Variants in NAPB observed in about 807,000 individuals in gnomAD.
NAPB encodes the protein beta-soluble NSF attachment protein.
NAPB carries 26 observed loss-of-function variants against 44.7 expected under a neutral mutation model. That is an observed-to-expected ratio of 0.58 (90% CI 0.43 to 0.81). The LOEUF is 0.81. Ranked by LOEUF, NAPB falls within the 30% of genes least tolerant of loss-of-function variation. The pLI, the probability that NAPB is intolerant of heterozygous loss-of-function variation, is 0.00. For synonymous variants in NAPB, 120 were observed against 116.8 expected, an observed-to-expected ratio of 1.03 and a Z score of -0.18; for missense variants, 315 against 356.4, an observed-to-expected ratio of 0.88 and a Z score of 0.94.
At chr20:23,382,338 G>C (rs1983079811) in intron 7 of NAPB, among the ~76,000 whole-genome samples, 1 of 150,956 alleles carries the variant, frequency 6.6e-6, no homozygotes, top group South Asian at 2.1e-4. Flanking sequence ...CAACTGAAAA[G>C]AGAACGTTTA....
chr20:23,421,404 T>C lies in NAPB; in HGVS notation c.-2A>G. The C allele has an allele frequency of 1.3e-6, 2 of 1,543,022 alleles. No homozygotes were observed. Among genetic ancestry groups the C allele is most frequent in the South Asian group, 2.4e-5 (2 of 83,626 alleles). On this transcript the variant is annotated 5_prime_UTR_variant, in exon 1 of 11. Coordinates refer to ENST00000377026, the MANE Select transcript of NAPB (RefSeq NM_022080.3). ...ACGCTCCTTCCCCGCGTTGTCCATG[T>C]CGCCCGCCGCGGCCGCCACAGCCCC...
At chr20:23,382,864 A>T (rs543750508) in intron 7 of NAPB, among the ~76,000 whole-genome samples, 1 of 152,276 alleles carries the variant, frequency 6.6e-6, no homozygotes, top group East Asian at 1.9e-4. Context: ...GGAGAAAGAG[A>T]AAAGGGCTGG....
intron 1 of NAPB, among the ~76,000 whole-genome samples, chr20:23,419,022 T>C (rs1298641439): frequency 6.6e-6 from 1 of 152,240 alleles, no homozygotes; most frequent in African/African-American, 2.4e-5. Context: ...ACTGCTTCTT[T>C]GATAAATAAC....
chr20:23,403,360 T>C (rs1984992752), intron 1 of NAPB, among the ~76,000 whole-genome samples: 1 of 152,168 alleles, frequency 6.6e-6, no homozygotes, highest in South Asian at 2.1e-4. Context: ...CCCAGAACTT[T>C]GGGAGGCCAA....
In NAPB at chr20:23,374,908, A is replaced by G. The variant is rs1355550449; in HGVS notation, c.*2468T>C. On this transcript the variant is annotated 3_prime_UTR_variant, in exon 11 of 11. Coordinates refer to ENST00000377026, the MANE Select transcript of NAPB (RefSeq NM_022080.3). The stretch of plus-strand genomic sequence containing the variant: ...CAAAACTTTCCTCTAAGAAATATTA[A>G]CTGACTTTGACTATGAACTAACTCC... The G allele has an allele frequency of 6.6e-6, 1 of 152,312 alleles. No homozygotes were observed. The highest frequency in any genetic ancestry group is 6.5e-5 in the Admixed American group (1 of 15,280). 9.4% of individuals were successfully genotyped at this position (152,312 alleles called of 1,614,324 possible).
chr20:23,379,480 G>C lies in NAPB; in HGVS notation c.751C>G (p.His251Asp). 1 of 1,608,462 alleles carries C rather than the reference G, an allele frequency of 6.2e-7. No homozygotes were observed. Among genetic ancestry groups the C allele is most frequent in the Non-Finnish European group, 8.5e-7 (1 of 1,178,332 alleles). Residue 251 changes from histidine (H) to aspartate (D), a missense_variant, in exon 10 of 11, where the codon CAT becomes GAT. This residue lies in a region of NAPB where 120 missense variants were observed against 130.5 expected (regional missense o/e 0.92). Coordinates refer to ENST00000377026, the MANE Select transcript of NAPB (RefSeq NM_022080.3). ...CKLLKKLLEA[H>D]EEQNSEAYTE... ...TAAGCTTCACTGTTCTGTTCTTCAT[G>C]AGCTTCTAGGAGTTTCTGGTAGCAT...
At chr20:23,386,831 C>T (rs1183913952) in intron 7 of NAPB, among the ~76,000 whole-genome samples, 1 of 152,156 alleles carries the variant, frequency 6.6e-6, no homozygotes, top group Non-Finnish European at 1.5e-5. Context: ...CTGTAATAAA[C>T]CATAATTGTG....
intron 2 of NAPB, among the ~76,000 whole-genome samples, chr20:23,401,176 T>A (rs906113132): frequency 2.6e-5 from 4 of 152,108 alleles, no homozygotes; most frequent in African/African-American, 9.7e-5. Context: ...GGGAGCTGGG[T>A]GCACAAGGAA....
intron 3 of NAPB, chr20:23,396,706 G>C (rs1984393058): frequency 6.5e-6 from 1 of 153,272 alleles, no homozygotes; most frequent in Non-Finnish European, 1.5e-5. Context: ...AGGAGTAAGG[G>C]AACATAAGAG....
rs776720962 is a variant in NAPB, at chr20:23,379,950, C to A, written c.667-15G>T. 6.2e-6 allele frequency: 10 copies of A among 1,608,744 alleles called. No individual in the cohort carries two copies. In the Admixed American group the frequency reaches 1.0e-4, roughly 16 times the overall value. On this transcript the variant is annotated splice_polypyrimidine_tract_variant and intron_variant, in intron 8 of 10. Coordinates refer to ENST00000377026, the MANE Select transcript of NAPB (RefSeq NM_022080.3). ...TCAAGAGCAAGCTGAGAGAGAAAAA[C>A]CACTCATCAATTTCAGACTTACTAA...
chr20:23,385,767 G>C (rs200013276), intron 7 of NAPB, among the ~76,000 whole-genome samples: 28 of 119,246 alleles, frequency 2.3e-4, no homozygotes, highest in Non-Finnish European at 4.9e-4. Flanking sequence ...GAGAGAAAGA[G>C]AGAGAGAGAG....
chr20:23,418,781 C>CAAAAAAAA (rs921452946), intron 1 of NAPB, among the ~76,000 whole-genome samples: 1 of 120,506 alleles, frequency 8.3e-6, no homozygotes, highest in Non-Finnish European at 1.8e-5. Context: ...ACTAAAAATA[C>CAAAAAAAA]AAAAAAAAAA....
At chr20:23,417,467 G>A (rs537474064) in intron 1 of NAPB, among the ~76,000 whole-genome samples, 1 of 152,160 alleles carries the variant, frequency 6.6e-6, no homozygotes, top group African/African-American at 2.4e-5. Flanking sequence ...AGATGGAGGG[G>A]ATAGTATTAT....
intron 1 of NAPB, among the ~76,000 whole-genome samples, chr20:23,420,124 G>A (rs994291499): frequency 6.6e-6 from 1 of 152,188 alleles, no homozygotes; most frequent in Non-Finnish European, 1.5e-5. Context: ...CAAAATTTCT[G>A]CCTTTCTCAT....
intron 2 of NAPB, among the ~76,000 whole-genome samples, chr20:23,399,198 C>T (rs748296859): frequency 1.3e-5 from 2 of 152,102 alleles, no homozygotes; most frequent in Non-Finnish European, 2.9e-5. Context: ...AAATATGTAA[C>T]CACCAGCATG....
In NAPB at chr20:23,387,165, G is replaced by C. The variant is rs767879484; in HGVS notation, c.561+2781C>G. On this transcript the variant is annotated intron_variant, in intron 7 of 10. Transcript: ENST00000377026. ...TTTATCTCAATAGACACAGGAAAATGCCTGACAAAATCCAATACCCTTTGA... is the reference window on the plus strand; with the variant it reads ...TTTATCTCAATAGACACAGGAAAATCCCTGACAAAATCCAATACCCTTTGA... 2.6e-5 allele frequency among the ~76,000 whole-genome samples: 4 copies of C among 152,056 alleles called. No individual in the cohort carries two copies. In the South Asian group the frequency reaches 6.2e-4, roughly 24 times the overall value.
rs1225167926 is a variant in NAPB, at chr20:23,421,378, C to T, written c.25G>A (p.Glu9Lys). 6.4e-7 allele frequency: 1 copy of T among 1,551,346 alleles called. No homozygotes were observed. Among genetic ancestry groups the T allele is most frequent in the Non-Finnish European group, 8.7e-7 (1 of 1,147,770 alleles). The part of the protein sequence containing the change: MDNAGKER[E>K]AVQLMAEAEK... ...GCCTCCGCCATCAGCTGTACTGCCT[C>T]ACGCTCCTTCCCCGCGTTGTCCATG... Residue 9 changes from glutamate (E) to lysine (K), a missense_variant, in exon 1 of 11, where the codon GAG becomes AAG. Transcript: ENST00000377026.
At chr20:23,417,096 T>A (rs1986056574) in intron 1 of NAPB, among the ~76,000 whole-genome samples, 1 of 151,594 alleles carries the variant, frequency 6.6e-6, no homozygotes, top group African/African-American at 2.4e-5. Flanking sequence ...TTTTTTTTTT[T>A]TTTTTGAGAC....
At chr20:23,387,436 A>T (rs909443382) in intron 7 of NAPB, among the ~76,000 whole-genome samples, 1 of 152,236 alleles carries the variant, frequency 6.6e-6, no homozygotes, top group African/African-American at 2.4e-5. Context: ...TTGCAGAGGA[A>T]GAAGTAAAAC....
Sources: gnomAD v4.1 joint callset for allele counts (sites outside exome capture counted in the v4.1 genomes callset) on GRCh38, gnomAD v4.1.1 for gene constraint, gnomAD v4.1.1 regional missense constraint, MANE v1.5 for transcripts, NCBI Gene and HGNC (gene_info 2026-07-23, HGNC 2026-07-21) for gene names.